CALN1: variants seen among roughly 807,000 people sequenced by gnomAD.
The protein encoded by CALN1 is calneuron 1.
Under a neutral mutation model 30.6 loss-of-function variants are expected in CALN1, and 17 were observed. The observed-to-expected ratio is 0.56, with a 90% CI of 0.38 to 0.83. The LOEUF (loss-of-function observed/expected upper bound fraction) is 0.83, where lower values mean the gene tolerates loss of function less well. Among genes scored for constraint, CALN1 ranks in the 40% least tolerant of loss-of-function variants. The pLI, the probability that CALN1 is intolerant of heterozygous loss-of-function variation, is 0.00. For synonymous variants in CALN1, 156 were observed against 131.4 expected (o/e 1.19, Z -1.28); for missense variants, 291 against 354.9 (o/e 0.82, Z 1.45).
intron 1 of CALN1, among the ~76,000 whole-genome samples, chr7:72,421,573 CTTTTTTTT>C (rs772198450): frequency 8.5e-5 from 5 of 58,622 alleles, no homozygotes; most frequent in Admixed American, 6.1e-4. Context: ...TTTTATCCTA[CTTTTTTTT>C]TTTTTTTTTT....
chr7:72,347,207 A>G (rs1009789857), intron 2 of CALN1, among the ~76,000 whole-genome samples: 1 of 151,750 alleles, frequency 6.6e-6, no homozygotes, highest in Non-Finnish European at 1.5e-5. Context: ...TCATCATTAC[A>G]TTTCTAAAAC....
At chr7:72,010,258 CAAGGGATG>C (rs1799996490) in intron 5 of CALN1, among the ~76,000 whole-genome samples, 1 of 152,086 alleles carries the variant, frequency 6.6e-6, no homozygotes. Context: ...CCCCTTATCC[CAAGGGATG>C]AAGGGATAAA....
At chr7:72,016,205 C>T (rs1028393621) in intron 5 of CALN1, among the ~76,000 whole-genome samples, 20 of 148,554 alleles carry the variant, frequency 1.3e-4, no homozygotes, top group East Asian at 8.2e-4. Flanking sequence ...GCTGAGATTG[C>T]GCCCCTGCAC....
chr7:72,136,825 G>A (rs921562753), intron 3 of CALN1, among the ~76,000 whole-genome samples: 3 of 152,148 alleles, frequency 2.0e-5, no homozygotes, highest in Non-Finnish European at 4.4e-5. Context: ...GAGACAGATA[G>A]GGAAGGGCTG....
At chr7:72,433,223 C>A (rs1470308740) in intron 1 of CALN1, among the ~76,000 whole-genome samples, 3 of 152,266 alleles carry the variant, frequency 2.0e-5, no homozygotes, top group Admixed American at 1.3e-4. Flanking sequence ...GACCAGGTAG[C>A]AGCCTAAAGT....
upstream of CALN1, among the ~76,000 whole-genome samples, chr7:72,451,845 T>TA (rs33986963): frequency 0.37 from 55,101 of 149,976 alleles, 10,255 homozygotes; most frequent in South Asian, 0.46. Flanking sequence ...TGTGGTGAAT[T>TA]AAAAAAAAAA....
chr7:72,070,703 A>G (rs1345282850), intron 4 of CALN1, among the ~76,000 whole-genome samples: 1 of 152,202 alleles, frequency 6.6e-6, no homozygotes, highest in African/African-American at 2.4e-5. Context: ...AATCTGACAT[A>G]TGATTCTGGG....
chr7:72,094,855 A>G (rs1250336745), intron 4 of CALN1, among the ~76,000 whole-genome samples: 1 of 152,182 alleles, frequency 6.6e-6, no homozygotes, highest in Admixed American at 6.5e-5. Context: ...ATACAAGGAT[A>G]TTTTGGGGAG....
intron 1 of CALN1, among the ~76,000 whole-genome samples, chr7:72,443,731 T>G (rs139650893): frequency 1.6e-4 from 24 of 151,986 alleles, no homozygotes; most frequent in Admixed American, 1.4e-3. Context: ...TCCCTTTACT[T>G]GAGAACAGGG....
intron 1 of CALN1, among the ~76,000 whole-genome samples, chr7:72,445,426 C>A (rs151129905): frequency 6.6e-6 from 1 of 152,142 alleles, no homozygotes; most frequent in African/African-American, 2.4e-5. Context: ...GCTGAGAGCA[C>A]GACCTTTAAA....
chr7:71,982,112 G>T (rs950418955), intron 5 of CALN1, among the ~76,000 whole-genome samples: 4 of 152,056 alleles, frequency 2.6e-5, no homozygotes, highest in African/African-American at 4.8e-5. Flanking sequence ...TGGCTGTTTT[G>T]GTTCTTCTTT....
chr7:72,499,911 TTCTATC>T, the CALN1 span, among the ~76,000 whole-genome samples: 154 of 40,638 alleles, frequency 3.8e-3, 29 homozygotes, highest in African/African-American at 0.023. Flanking sequence ...CTTTCTTTCT[TTCTATC>T]TTTCTCTTTT....
intron 5 of CALN1, among the ~76,000 whole-genome samples, chr7:72,002,754 T>C (rs988885436): frequency 1.3e-5 from 2 of 152,162 alleles, no homozygotes; most frequent in African/African-American, 2.4e-5. Flanking sequence ...CTGTCATCTC[T>C]GACAATATGG....
chr7:71,903,085 C>T (rs201016040), intron 5 of CALN1, among the ~76,000 whole-genome samples: 5 of 151,352 alleles, frequency 3.3e-5, no homozygotes, highest in African/African-American at 7.3e-5. Flanking sequence ...AATTACTTAA[C>T]GGGTACAATA....
intron 4 of CALN1, among the ~76,000 whole-genome samples, chr7:72,097,704 T>A (rs202203384): frequency 6.8e-6 from 1 of 146,672 alleles, no homozygotes. Context: ...TTTTGACTAT[T>A]TTTTTTTCTT....
chr7:72,314,199 C>T (rs1039353571), intron 2 of CALN1, among the ~76,000 whole-genome samples: 9 of 152,148 alleles, frequency 5.9e-5, no homozygotes, highest in African/African-American at 1.7e-4. Flanking sequence ...CCCTCCCTGA[C>T]GGCAGAATTC....
chr7:72,083,193 T>A (rs1805264505), intron 4 of CALN1, among the ~76,000 whole-genome samples: 1 of 151,796 alleles, frequency 6.6e-6, no homozygotes, highest in Admixed American at 6.6e-5. Flanking sequence ...AGACAGAGAC[T>A]CTGTCTCAAA....
At chr7:72,339,843 C>T (rs1802299219) in intron 2 of CALN1, among the ~76,000 whole-genome samples, 1 of 152,158 alleles carries the variant, frequency 6.6e-6, no homozygotes, top group Admixed American at 6.5e-5. Flanking sequence ...TGGGGGAGAC[C>T]TGTGCCCATG....
chr7:72,205,566 A>ATATATACATATATATATATACG (rs1169550933), intron 3 of CALN1, among the ~76,000 whole-genome samples: 1 of 115,664 alleles, frequency 8.6e-6, no homozygotes, highest in African/African-American at 3.7e-5. Context: ...ATATATATAT[A>ATATATACATATATATATATACG]TGTATATATA....
Sources: allele counts gnomAD v4.1 joint callset (sites outside exome capture counted in the v4.1 genomes callset), GRCh38; gene constraint gnomAD v4.1.1; transcripts MANE v1.5; gene names NCBI Gene and HGNC (gene_info 2026-07-23, HGNC 2026-07-21).